Variants in TNFRSF8 observed in about 807,000 individuals in gnomAD.
TNFRSF8 encodes TNF receptor superfamily member 8, also known as tumor necrosis factor receptor superfamily member 8.
In TNFRSF8, 26 loss-of-function variants were observed where a neutral mutation model predicts 70.8. That is an observed-to-expected ratio of 0.37 (90% CI 0.27 to 0.51). The LOEUF (loss-of-function observed/expected upper bound fraction) is 0.51. Among genes scored for constraint, TNFRSF8 ranks in the 20% least tolerant of loss-of-function variants. The pLI is 0.94. For missense variants in TNFRSF8, 720 were observed against 807.9 expected (o/e 0.89, Z 1.32); for synonymous variants, 356 against 339.2 (o/e 1.05, Z -0.54).
chr1:12,128,619 T>G (rs1345503206), intron 12 of TNFRSF8, among the ~76,000 whole-genome samples: 1 of 152,110 alleles, frequency 6.6e-6, no homozygotes, highest in Non-Finnish European at 1.5e-5. Context: ...TTATCGTGGT[T>G]GTTGAGATGT....
intron 12 of TNFRSF8, 25 bp downstream of exon 12, chr1:12,126,261 GC>G: frequency 6.2e-7 from 1 of 1,614,050 alleles, no homozygotes; most frequent in Non-Finnish European, 8.5e-7. Context: ...GTCCAAAGGG[GC>G]TGCCCGAGCC....
At chr1:12,132,917 C>A (rs1163445564) in intron 12 of TNFRSF8, among the ~76,000 whole-genome samples, 1 of 150,484 alleles carries the variant, frequency 6.6e-6, no homozygotes, top group African/African-American at 2.4e-5. Context: ...TTAATCTTCT[C>A]AACAAGCCCC....
chr1:12,101,062 AC>A, intron 3 of TNFRSF8, among the ~76,000 whole-genome samples: 1 of 152,254 alleles, frequency 6.6e-6, no homozygotes, highest in South Asian at 2.1e-4. Flanking sequence ...TCTTCTGGAT[AC>A]CTGCAGAAGG....
At chr1:12,139,418 G>A (rs992423613) in intron 14 of TNFRSF8, among the ~76,000 whole-genome samples, 3 of 152,110 alleles carry the variant, frequency 2.0e-5, no homozygotes, top group Non-Finnish European at 4.4e-5. Context: ...AGTTAATTCT[G>A]GATATCCTGG....
rs1043323465 is a variant in TNFRSF8, at chr1:12,071,154, C to T, written c.63+7493C>T. Among the ~76,000 whole-genome samples the T allele has an allele frequency of 3.3e-5, 5 of 152,144 alleles. No homozygotes were observed. The East Asian group carries it at 7.7e-4, about 23-fold the overall frequency. ...AACATGAAGGTATTGTCTTATAGCC[C>T]TGGTGGTCAAAAGTCTATGACAAGT... On this transcript the variant is annotated intron_variant, in intron 1 of 14. Coordinates refer to ENST00000263932, the MANE Select transcript of TNFRSF8 (RefSeq NM_001243.5).
rs147530870 is a variant in TNFRSF8, at chr1:12,067,209, C to T, written c.63+3548C>T. 2.4e-3 allele frequency among the ~76,000 whole-genome samples: 363 copies of T among 152,270 alleles called. 4 individuals are homozygous for T. The East Asian group carries it at 0.026, about 11-fold the overall frequency. On this transcript the variant is annotated intron_variant, in intron 1 of 14. Coordinates refer to ENST00000263932, the MANE Select transcript of TNFRSF8 (RefSeq NM_001243.5). Reference sequence around the variant, plus strand: ...GGCACCATGTGGTGGGGTTGCGGGGCGGGGGAAGCCCCAGCTTTCCTGTGA... The same window carrying T: ...GGCACCATGTGGTGGGGTTGCGGGGTGGGGGAAGCCCCAGCTTTCCTGTGA...
At chr1:12,121,990 A>G (rs562679040) in intron 8 of TNFRSF8, among the ~76,000 whole-genome samples, 6 of 152,318 alleles carry the variant, frequency 3.9e-5, no homozygotes, top group Non-Finnish European at 5.9e-5. Context: ...TTCTGTCGAC[A>G]TGAAATTCTG....
Position 12,108,739 on chromosome 1 carries a change from GGAGGCA to G in TNFRSF8, c.422-822_422-817del, listed in dbSNP as rs995077325. On this transcript the variant is annotated intron_variant, in intron 4 of 14. Transcript: ENST00000263932. This position sits in a 1 kb window ranked among gnomAD's most constrained non-coding sequence, Gnocchi z 4.0. ...GAGGCAGGAGAATTGCTTGAACCTGGGAGGCAGAGGTTGCAGTGAGCTGAGATTGCA... is the reference window on the plus strand; with the variant it reads ...GAGGCAGGAGAATTGCTTGAACCTGGGAGGTTGCAGTGAGCTGAGATTGCA... Among the ~76,000 whole-genome samples the G allele has an allele frequency of 6.6e-5, 10 of 152,130 alleles. No homozygotes were observed. Among genetic ancestry groups the G allele is most frequent in the African/African-American group, 2.4e-4 (10 of 41,404 alleles).
chr1:12,070,323 T>C (rs1640820563), intron 1 of TNFRSF8, among the ~76,000 whole-genome samples: 1 of 151,768 alleles, frequency 6.6e-6, no homozygotes, highest in African/African-American at 2.4e-5. Context: ...TGATCTCGGC[T>C]CACTGCAAGC....
At chr1:12,084,376 C>T (rs530319057) in intron 1 of TNFRSF8, 88 bp from the exon 2 acceptor site, 133 of 1,187,766 alleles carry the variant, frequency 1.1e-4, no homozygotes, top group South Asian at 2.6e-4. Context: ...TACAAAGCTC[C>T]GTCTCAGGCC....
Position 12,135,633 on chromosome 1 carries a change from C to G in TNFRSF8, c.1335+20C>G. ...TCAACGGTAAGTACCCCTCCCTTGC[C>G]CCCACCTCAGCTTCGTGCCCCTAAA... On this transcript the variant is annotated intron_variant, in intron 13 of 14. Coordinates refer to ENST00000263932, the MANE Select transcript of TNFRSF8 (RefSeq NM_001243.5). 7 of 1,613,906 alleles carry G rather than the reference C, an allele frequency of 4.3e-6. No individual in the cohort carries two copies. The highest frequency in any genetic ancestry group is 5.9e-6 in the Non-Finnish European group (7 of 1,179,914).
intron 2 of TNFRSF8, among the ~76,000 whole-genome samples, chr1:12,090,426 C>G (rs1423900877): frequency 6.6e-6 from 1 of 151,924 alleles, no homozygotes; most frequent in East Asian, 1.9e-4. Context: ...TCTACCCACC[C>G]ATCCACCCTT....
intron 1 of TNFRSF8, chr1:12,080,524 G>A (rs1385954244): frequency 3.0e-5 from 14 of 467,722 alleles, no homozygotes; most frequent in Non-Finnish European, 5.0e-5. Context: ...TCCTGGGAAC[G>A]CTCTTTCGAG....
chr1:12,128,392 T>C (rs1020717291), intron 12 of TNFRSF8, among the ~76,000 whole-genome samples: 1 of 152,176 alleles, frequency 6.6e-6, no homozygotes, highest in Non-Finnish European at 1.5e-5. Flanking sequence ...GCAGGTGCGA[T>C]GAGAGGCCCA....
At chr1:12,074,023 C>T (rs1305990460) in intron 1 of TNFRSF8, among the ~76,000 whole-genome samples, 4 of 152,008 alleles carry the variant, frequency 2.6e-5, no homozygotes, top group African/African-American at 4.8e-5. Context: ...ACACTTGCTT[C>T]GGCCCTGGAA....
At chr1:12,131,919 G>A (rs1453518588) in intron 12 of TNFRSF8, among the ~76,000 whole-genome samples, 2 of 151,608 alleles carry the variant, frequency 1.3e-5, no homozygotes, top group Admixed American at 6.6e-5. Context: ...TCAGCCTCCC[G>A]AGTAGCTGGG....
chr1:12,137,562 T>A (rs1022671695), intron 13 of TNFRSF8, among the ~76,000 whole-genome samples: 2 of 149,008 alleles, frequency 1.3e-5, no homozygotes, highest in African/African-American at 5.0e-5. Flanking sequence ...TTTTTTGTTT[T>A]TTTTTTGTTT....
rs550960477 is a variant in TNFRSF8 at position 12,097,275 on chromosome 1, A to G, written c.268+58A>G. On this transcript the variant is annotated intron_variant, in intron 3 of 14. Transcript: ENST00000263932. ...TCTAGGGAGCATGAGGGGTCCTCAG[A>G]GGAGAGGTGAAGAATCTGGAAGGTG... is the stretch of plus-strand genomic sequence containing the variant. 3 of 1,304,800 alleles carry G rather than the reference A, an allele frequency of 2.3e-6. No homozygotes were observed. In the African/African-American group the frequency reaches 4.4e-5, roughly 19 times the overall value. 80.8% of individuals were successfully genotyped at this position (1,304,800 alleles called of 1,614,324 possible).
intron 2 of TNFRSF8, among the ~76,000 whole-genome samples, chr1:12,096,102 T>A (rs975920488): frequency 6.6e-6 from 1 of 152,236 alleles, no homozygotes; most frequent in East Asian, 1.9e-4. Flanking sequence ...CATGTGCCCA[T>A]ACTAAACTAA....
Sources: allele counts gnomAD v4.1 joint callset (sites outside exome capture counted in the v4.1 genomes callset), GRCh38; gene constraint gnomAD v4.1.1; non-coding constraint Gnocchi (gnomAD v3.1); transcripts MANE v1.5; gene names NCBI Gene and HGNC (gene_info 2026-07-23, HGNC 2026-07-21).